Variants in CARF observed in about 807,000 individuals in gnomAD.
The protein encoded by CARF is calcium responsive transcription factor.
CARF carries 57 observed loss-of-function variants against 82.0 expected under a neutral mutation model. The observed-to-expected ratio is 0.70, with a 90% confidence interval of 0.56 to 0.87. The LOEUF (loss-of-function observed/expected upper bound fraction) is 0.87, where lower values mean the gene tolerates loss of function less well. Ranked by LOEUF, CARF falls within the 40% of genes least tolerant of loss-of-function variation. The pLI, the probability that CARF is intolerant of heterozygous loss-of-function variation, is 0.00. For missense variants in CARF, 771 were observed against 855.8 expected (o/e 0.90, Z 1.24); for synonymous variants, 268 against 290.1 (o/e 0.92, Z 0.77).
At position 202,942,959 on chromosome 2, in the gene CARF, G is replaced by A. The variant is rs1383681695; in HGVS notation, c.298G>A (p.Ala100Thr). The change falls in exon 5 of 17, where the codon GCA (alanine) becomes ACA (threonine). Residue 100 changes from alanine (A) to threonine (T), a missense_variant. Physicochemically the swap from Ala to Thr is moderately conservative, Grantham distance 58 (BLOSUM62 0). Transcript: ENST00000438828. Reference protein sequence around the residue: ...YELQSLGESNAQMMIVASPTE... With the variant: ...YELQSLGESNTQMMIVASPTE... ...ACTTCAGTCATTGGGGGAATCCAAT[G>A]CACAAATGGTGAGTATATTTTATAA... The A allele has an allele frequency of 6.2e-7, 1 of 1,613,350 alleles. No individual in the cohort carries two copies.
chr2:202,961,825 T>G (rs187931033), intron 9 of CARF: 120 of 255,802 alleles, frequency 4.7e-4, no homozygotes, highest in African/African-American at 2.7e-3. Context: ...TTTATGTAGC[T>G]TGTAACTCTG....
chr2:202,914,851 A>G (rs1211240025), intron 1 of CARF, among the ~76,000 whole-genome samples: 1 of 152,012 alleles, frequency 6.6e-6, no homozygotes, highest in Non-Finnish European at 1.5e-5. Flanking sequence ...ATGGGTAGAA[A>G]TGGATTGCAG....
At chr2:202,916,328 G>T (rs1321005763) in intron 1 of CARF, among the ~76,000 whole-genome samples, 1 of 151,846 alleles carries the variant, frequency 6.6e-6, no homozygotes, top group Non-Finnish European at 1.5e-5. Context: ...CTATAGGTGC[G>T]CACCACCACA....
chr2:202,920,065 G>T (rs1423727710), intron 2 of CARF, among the ~76,000 whole-genome samples: 1 of 152,050 alleles, frequency 6.6e-6, no homozygotes, highest in Non-Finnish European at 1.5e-5. Context: ...CAGAATAGTA[G>T]AGTGATTGTT....
intron 5 of CARF, among the ~76,000 whole-genome samples, chr2:202,945,985 A>G (rs1277674593): frequency 6.6e-6 from 1 of 152,068 alleles, no homozygotes; most frequent in Non-Finnish European, 1.5e-5. Context: ...TTATCTTTTG[A>G]CTTTTTAATA....
chr2:202,976,993 G>A (rs966349836), intron 13 of CARF, among the ~76,000 whole-genome samples: 3 of 152,142 alleles, frequency 2.0e-5, no homozygotes, highest in African/African-American at 7.2e-5. Flanking sequence ...ATGACCCACT[G>A]TACCCAGCCC....
At position 202,941,851 on chromosome 2, in the gene CARF, CTCTT is replaced by C. The variant is rs1225297739; in HGVS notation, c.-43-6_-43-3del. ...TGCTTTAGTTGATCAGCTATTTAAA[CTCTT>C]TCAGCTATTAAATAATAGAAGAAAA... On this transcript the variant is annotated splice_region_variant and splice_polypyrimidine_tract_variant and intron_variant, in intron 3 of 16. Coordinates refer to ENST00000438828, the MANE Select transcript of CARF (RefSeq NM_024744.17). 1.7e-5 allele frequency: 24 copies of C among 1,422,400 alleles called. No individual in the cohort carries two copies. The highest frequency in any genetic ancestry group is 2.4e-5 in the Non-Finnish European group (24 of 1,011,698). 88.1% of individuals were successfully genotyped at this position (1,422,400 alleles called of 1,614,324 possible).
intron 7 of CARF, among the ~76,000 whole-genome samples, chr2:202,955,209 T>C (rs185393684): frequency 6.6e-6 from 1 of 152,328 alleles, no homozygotes; most frequent in African/African-American, 2.4e-5. Flanking sequence ...GTTTATGTTA[T>C]TTTAATTGTT....
At chr2:202,963,521 TC>T (rs2059411309) in intron 9 of CARF, among the ~76,000 whole-genome samples, 2 of 152,192 alleles carry the variant, frequency 1.3e-5, no homozygotes, top group African/African-American at 4.8e-5. Context: ...AGACAGTTTT[TC>T]CACGGACCAG....
intron 9 of CARF, among the ~76,000 whole-genome samples, chr2:202,964,039 G>C (rs1394847600): frequency 6.6e-6 from 1 of 152,002 alleles, no homozygotes; most frequent in Non-Finnish European, 1.5e-5. Context: ...TTCTTTATTA[G>C]ATAGATAGCC....
At chr2:202,928,146 C>A (rs1044949506) in intron 3 of CARF, among the ~76,000 whole-genome samples, 11 of 152,164 alleles carry the variant, frequency 7.2e-5, no homozygotes. Flanking sequence ...CCCTTCCCCA[C>A]CTCTAGTAAC....
At chr2:202,914,571 G>C (rs1689236860) in intron 1 of CARF, among the ~76,000 whole-genome samples, 1 of 151,986 alleles carries the variant, frequency 6.6e-6, no homozygotes, top group African/African-American at 2.4e-5. Context: ...CTGAGGTCAG[G>C]AGTTTGAGAC....
intron 3 of CARF, among the ~76,000 whole-genome samples, chr2:202,928,488 C>A (rs1212881002): frequency 2.6e-5 from 4 of 151,954 alleles, no homozygotes. Flanking sequence ...GGATATTTAC[C>A]CATTAGTGGA....
Position 202,983,716 on chromosome 2 carries a change from T to C in CARF, c.*92T>C. On this transcript the variant is annotated 3_prime_UTR_variant, in exon 17 of 17. Coordinates refer to ENST00000438828, the MANE Select transcript of CARF (RefSeq NM_024744.17). ...TAGTCAAAGCGTGGCATTGAGATAA[T>C]TGGACTGAAGACCAGTTTGATGAGA... 2.5e-6 allele frequency: 2 copies of C among 810,344 alleles called. No individual in the cohort carries two copies. The highest frequency in any genetic ancestry group is 2.6e-5 in the East Asian group (1 of 39,008). The allele number at this position is 810,344 out of a possible 1,614,324, so 50.2% of individuals were successfully genotyped here. A position where few individuals can be genotyped will look rare whatever the true frequency, so the allele number is the denominator to read the frequency against.
rs1372387143 is a variant in CARF at position 202,912,695 on chromosome 2, G to C, written c.-737G>C. On this transcript the variant is annotated 5_prime_UTR_variant, in exon 1 of 17. Transcript: ENST00000438828. ...GCAGGCTGGAGAAGGAGGAGGTTAG[G>C]TGTCTTCAGGAGGGTTGCTGAGCCC... is the stretch of plus-strand genomic sequence containing the variant. The C allele has an allele frequency of 6.6e-6, 1 of 151,290 alleles. No homozygotes were observed. The highest frequency in any genetic ancestry group is 1.5e-5 in the Non-Finnish European group (1 of 67,736). The allele number at this position is 151,290 out of a possible 1,614,324, so 9.4% of individuals were successfully genotyped here. A position where few individuals can be genotyped will look rare whatever the true frequency, so the allele number is the denominator to read the frequency against.
chr2:202,914,884 C>T (rs2105926938), intron 1 of CARF, among the ~76,000 whole-genome samples: 2 of 151,640 alleles, frequency 1.3e-5, no homozygotes, highest in East Asian at 3.9e-4. Context: ...TGAGAATAAA[C>T]CATAAATAAA....
intron 2 of CARF, among the ~76,000 whole-genome samples, chr2:202,921,204 T>C (rs1327673919): frequency 2.0e-5 from 3 of 152,170 alleles, no homozygotes; most frequent in Admixed American, 2.0e-4. Flanking sequence ...GGTTTCACCA[T>C]GTTAGCCAGG....
intron 8 of CARF, among the ~76,000 whole-genome samples, chr2:202,957,079 G>A (rs980290436): frequency 1.3e-5 from 2 of 152,088 alleles, no homozygotes; most frequent in South Asian, 2.1e-4. Flanking sequence ...ATGAGCCACC[G>A]CGCCCAGAAG....
chr2:202,914,814 A>AT (rs1689307249), intron 1 of CARF, among the ~76,000 whole-genome samples: 2 of 151,462 alleles, frequency 1.3e-5, no homozygotes, highest in Admixed American at 1.3e-4. Context: ...CAGAGCAAAA[A>AT]GGTAAAAAGT....
Sources: allele counts gnomAD v4.1 joint callset (sites outside exome capture counted in the v4.1 genomes callset), GRCh38; gene constraint gnomAD v4.1.1; transcripts MANE v1.5; gene names NCBI Gene and HGNC (gene_info 2026-07-23, HGNC 2026-07-21).